Variants in CACNA2D4 observed in about 807,000 individuals in gnomAD.
CACNA2D4 encodes the protein voltage-dependent calcium channel subunit alpha-2/delta-4.
In CACNA2D4, 157 loss-of-function variants were observed where a neutral mutation model predicts 163.8. That is an observed-to-expected ratio of 0.96 (90% CI 0.84 to 1.09). The LOEUF is 1.09. Ranked by LOEUF, CACNA2D4 falls within the 50% of genes least tolerant of loss-of-function variation. The probability of loss-of-function intolerance (pLI) is 0.00; values close to 1 mark genes in which losing one functional copy is unlikely to be tolerated. For missense variants in CACNA2D4, 1,410 were observed against 1,479.9 expected (o/e 0.95, Z 0.78); for synonymous variants, 598 against 586.9 (o/e 1.02, Z -0.27).
chr12:1,910,042 C>T (rs905665412), intron 3 of CACNA2D4, 77 bp from the exon 4 acceptor site: 48 of 1,226,144 alleles, frequency 3.9e-5, no homozygotes, highest in East Asian at 1.9e-4. Context: ...AAACAGTTGC[C>T]GGGTGACCCA....
intron 23 of CACNA2D4, among the ~76,000 whole-genome samples, chr12:1,850,933 A>T (rs576954145): frequency 6.6e-6 from 1 of 151,244 alleles, no homozygotes; most frequent in African/African-American, 2.4e-5. Flanking sequence ...CCCAGGCAGG[A>T]GTGTGGTGAC....
At chr12:1,795,152 A>T in intron 37 of CACNA2D4, 147 bp downstream of exon 37, 1 of 650,364 alleles carries the variant, frequency 1.5e-6, no homozygotes, top group Non-Finnish European at 2.7e-6. Context: ...GTCACAGGGC[A>T]TAAACGCGAA....
intron 26 of CACNA2D4, 62 bp from the exon 27 acceptor site, chr12:1,811,785 T>A: frequency 6.7e-7 from 1 of 1,500,034 alleles, no homozygotes; most frequent in Non-Finnish European, 9.1e-7. Flanking sequence ...AAAAATAGAG[T>A]CAAGTTAAAG....
At chr12:1,827,825 T>C in intron 26 of CACNA2D4, 1 of 329,342 alleles carries the variant, frequency 3.0e-6, no homozygotes, top group Non-Finnish European at 5.5e-6. Context: ...GGTAGGCCCA[T>C]GGGTGCACCC....
intron 26 of CACNA2D4, among the ~76,000 whole-genome samples, chr12:1,826,401 C>CT (rs1491459894): frequency 1.4e-4 from 2 of 13,798 alleles, no homozygotes; most frequent in East Asian, 2.8e-3. Flanking sequence ...GAACCCAGAG[C>CT]CCCCCCCCCC....
chr12:1,832,968 G>T (rs1325912235), intron 26 of CACNA2D4, among the ~76,000 whole-genome samples: 1 of 152,212 alleles, frequency 6.6e-6, no homozygotes, highest in Non-Finnish European at 1.5e-5. Flanking sequence ...ACTGATACGT[G>T]TTCCTGGGAT....
At chr12:1,826,910 A>G (rs1273837206) in intron 26 of CACNA2D4, among the ~76,000 whole-genome samples, 1 of 152,128 alleles carries the variant, frequency 6.6e-6, no homozygotes, top group Non-Finnish European at 1.5e-5. Context: ...AGCTCCATCC[A>G]CCTCTGGGCC....
In CACNA2D4 at chr12:1,913,029, C is replaced by A. The variant is rs182825786; in HGVS notation, c.420G>T (p.Ala140=). 67 of 1,609,790 alleles carry A rather than the reference C, an allele frequency of 4.2e-5. No individual in the cohort carries two copies. The African/African-American group carries it at 7.9e-4, about 19-fold the overall frequency. The change falls in exon 3 of 38, where the codon GCG becomes GCT. Residue 140 remains alanine, a synonymous_variant. Coordinates refer to ENST00000382722, the MANE Select transcript of CACNA2D4 (RefSeq NM_172364.5). The part of the protein sequence containing the change: ...MENMLRRKVE[A]VQNLVEAAEE... ...GATCACAGGCCTGGAGTACCTGGAC[C>A]GCCTCGACTTTCCTCCGCAGCATGT...
intron 18 of CACNA2D4, among the ~76,000 whole-genome samples, chr12:1,863,954 G>A (rs1865583514): frequency 6.6e-6 from 1 of 152,166 alleles, no homozygotes; most frequent in African/African-American, 2.4e-5. Flanking sequence ...CAGCCCTTGA[G>A]CAGCAGAGTT....
At chr12:1,899,243 A>G (rs1055755571) in intron 6 of CACNA2D4, among the ~76,000 whole-genome samples, 1 of 152,140 alleles carries the variant, frequency 6.6e-6, no homozygotes, top group Non-Finnish European at 1.5e-5. Flanking sequence ...ACTTAAAGCT[A>G]TGTGTCTCAT....
chr12:1,890,141 G>A (rs1459426417), intron 6 of CACNA2D4, among the ~76,000 whole-genome samples: 1 of 152,188 alleles, frequency 6.6e-6, no homozygotes, highest in Non-Finnish European at 1.5e-5. Flanking sequence ...CCGCAGGAGA[G>A]CCTCTAGACT....
intron 6 of CACNA2D4, among the ~76,000 whole-genome samples, chr12:1,907,165 C>T (rs752258753): frequency 1.8e-4 from 27 of 152,228 alleles, no homozygotes; most frequent in Non-Finnish European, 3.5e-4. Flanking sequence ...TTCCAAAGTA[C>T]TTTTCATGGG....
chr12:1,803,880 C>T (rs951013344), intron 29 of CACNA2D4, among the ~76,000 whole-genome samples: 4 of 152,194 alleles, frequency 2.6e-5, no homozygotes, highest in African/African-American at 9.6e-5. Flanking sequence ...CCGGCACCTC[C>T]TACGGTGGTG....
Position 1,834,538 on chromosome 12 carries a change from G to A in CACNA2D4, c.2551+6201C>T, listed in dbSNP as rs1341507822. 6.9e-6 allele frequency: 11 copies of A among 1,604,528 alleles called. No individual in the cohort carries two copies. The highest frequency in any genetic ancestry group is 4.4e-5 in the South Asian group (4 of 91,084). On this transcript the variant is annotated intron_variant, in intron 26 of 37. Coordinates refer to ENST00000382722, the MANE Select transcript of CACNA2D4 (RefSeq NM_172364.5). The surrounding 1 kb of genome is among the most constrained non-coding windows in gnomAD (Gnocchi z 7.6). ...CGAGCGTGAGGCGAGCCATGGGCAC[G>A]GTGATCATTGCAGGGGTCGTGTGCG... is the stretch of plus-strand genomic sequence containing the variant.
At position 1,847,568 on chromosome 12, in the gene CACNA2D4, G is replaced by C. The variant is rs1462508222; in HGVS notation, c.2247-879C>G. Reference sequence around the variant, plus strand: ...GTAGCCAGGGGGCTTGTACAGGGTGGGCATGGGAGTCATAGGACTCGAGCT... The same window carrying C: ...GTAGCCAGGGGGCTTGTACAGGGTGCGCATGGGAGTCATAGGACTCGAGCT... On this transcript the variant is annotated intron_variant, in intron 23 of 37. Coordinates refer to ENST00000382722, the MANE Select transcript of CACNA2D4 (RefSeq NM_172364.5). Among the ~76,000 whole-genome samples, 4 of 152,138 alleles carry C rather than the reference G, an allele frequency of 2.6e-5. No homozygotes were observed. In the East Asian group the frequency reaches 7.7e-4, roughly 29 times the overall value.
chr12:1,813,199 C>T (rs1863766106), intron 26 of CACNA2D4, among the ~76,000 whole-genome samples: 1 of 152,194 alleles, frequency 6.6e-6, no homozygotes, highest in Admixed American at 6.5e-5. Context: ...GGCTGTTACT[C>T]CAGACTAGAG....
chr12:1,811,112 G>T (rs1002286444), intron 27 of CACNA2D4, among the ~76,000 whole-genome samples: 1 of 152,240 alleles, frequency 6.6e-6, no homozygotes, highest in African/African-American at 2.4e-5. Context: ...CCCTTGCCCA[G>T]AGTCAGGCGG....
Position 1,828,044 on chromosome 12 carries a change from C to A in CACNA2D4, c.2551+12695G>T. ...CTGGGCTGGAACGGGGCTCCCGCGCCTGCCTGTGCTCAGTGCTCCTCCCTC... is the reference window on the plus strand; with the variant it reads ...CTGGGCTGGAACGGGGCTCCCGCGCATGCCTGTGCTCAGTGCTCCTCCCTC... On this transcript the variant is annotated intron_variant, in intron 26 of 37. Transcript: ENST00000382722. The surrounding 1 kb of genome is among the most constrained non-coding windows in gnomAD (Gnocchi z 4.2). 8.9e-7 allele frequency: 1 copy of A among 1,127,792 alleles called. No individual in the cohort carries two copies. Among genetic ancestry groups the A allele is most frequent in the Admixed American group, 3.3e-5 (1 of 30,422 alleles). 69.9% of individuals were successfully genotyped at this position (1,127,792 alleles called of 1,614,324 possible).
rs530180609 is a variant in CACNA2D4 at position 1,800,798 on chromosome 12, G to A, written c.2868+245C>T. 1.1e-3 allele frequency: 677 copies of A among 595,744 alleles called. 1 individual carries two copies. Among genetic ancestry groups the A allele is most frequent in the Middle Eastern group, 2.2e-3 (5 of 2,240 alleles). The allele number at this position is 595,744 out of a possible 1,614,324, so 36.9% of individuals were successfully genotyped here. ...GGGGCAGGCTGCTCTCTCTGTCTCC[G>A]CCAGAGGCACTGTTGTGTCACAACT... On this transcript the variant is annotated intron_variant, in intron 31 of 37. Transcript: ENST00000382722.
Sources: gnomAD v4.1 joint callset for allele counts (sites outside exome capture counted in the v4.1 genomes callset) on GRCh38, gnomAD v4.1.1 for gene constraint, Gnocchi (gnomAD v3.1) non-coding constraint, MANE v1.5 for transcripts, NCBI Gene and HGNC (gene_info 2026-07-23, HGNC 2026-07-21) for gene names.